The following DLL3 variants were observed in gnomAD, a reference collection of about 807,000 sequenced individuals.
DLL3 encodes the protein delta like canonical Notch ligand 3, also known as delta-like protein 3.
DLL3 carries 49 observed loss-of-function variants against 55.0 expected under a neutral mutation model. That is an observed-to-expected ratio of 0.89 (90% CI 0.71 to 1.13). DLL3 has a LOEUF of 1.13. DLL3 is among the 50% of genes most tolerant of loss of function. The pLI is 0.00. For missense variants in DLL3, 962 were observed against 875.5 expected (o/e 1.10, Z -1.25); for synonymous variants, 421 against 385.2 (o/e 1.09, Z -1.09).
intron 3 of DLL3, among the ~76,000 whole-genome samples, chr19:39,501,693 G>T (rs2079610255): frequency 6.6e-6 from 1 of 152,140 alleles, no homozygotes; most frequent in Non-Finnish European, 1.5e-5. Context: ...CACTCTCCCA[G>T]TATCCCAAGG....
chr19:39,507,184 C>A lies in DLL3; in HGVS notation c.1239C>A (p.His413Gln). 1 of 1,332,412 alleles carries A rather than the reference C, an allele frequency of 7.5e-7. No homozygotes were observed. Among genetic ancestry groups the A allele is most frequent in the Non-Finnish European group, 9.5e-7 (1 of 1,051,530 alleles). 82.5% of individuals were successfully genotyped at this position (1,332,412 alleles called of 1,614,324 possible). The change falls in exon 7 of 9, where the codon CAC becomes CAA. Residue 413 changes from histidine (H) to glutamine (Q), a missense_variant. His to Gln is a conservative substitution (Grantham distance 24, BLOSUM62 0). Coordinates refer to ENST00000356433, the MANE Select transcript of DLL3 (RefSeq NM_203486.3). Reference sequence around the variant, plus strand: ...CGTGTGTGGAGGGCGGCGGCGCGCACCGCTGCTCCTGCGCGCTGGGCTTCG... The same window carrying A: ...CGTGTGTGGAGGGCGGCGGCGCGCAACGCTGCTCCTGCGCGCTGGGCTTCG... ...GGTCVEGGGA[H>Q]RCSCALGFGG...
intron 3 of DLL3, 63 bp downstream of exon 3, chr19:39,500,735 G>GA (rs1345197234): frequency 1.4e-6 from 2 of 1,448,664 alleles, no homozygotes; most frequent in African/African-American, 2.8e-5. Flanking sequence ...CGGGGTTGGT[G>GA]GTGTTATCTA....
chr19:39,502,654 G>C (rs1433142070), intron 3 of DLL3, among the ~76,000 whole-genome samples, 161 bp from the exon 4 acceptor site: 1 of 152,172 alleles, frequency 6.6e-6, no homozygotes, highest in Non-Finnish European at 1.5e-5. Context: ...CTAAAGTAGA[G>C]GGTGACTGCC....
Position 39,500,600 on chromosome 19 carries a change from C to T in DLL3, c.352-15C>T, listed in dbSNP as rs201902809. Reference sequence around the variant, plus strand: ...GTCTTTCATCTTTCATCTCCCCCTTCCTTCACCCAACCAGGGCACCTTCTC... The same window carrying T: ...GTCTTTCATCTTTCATCTCCCCCTTTCTTCACCCAACCAGGGCACCTTCTC... On this transcript the variant is annotated splice_polypyrimidine_tract_variant and intron_variant, in intron 2 of 8. Transcript: ENST00000356433. 3,162 of 1,612,384 alleles carry T rather than the reference C, an allele frequency of 2.0e-3. 5 individuals are homozygous for T. Among genetic ancestry groups the T allele is most frequent in the Non-Finnish European group, 2.5e-3 (2,915 of 1,178,550 alleles).
chr19:39,508,310 C>A lies in DLL3; in HGVS notation c.*53C>A. On this transcript the variant is annotated 3_prime_UTR_variant, in exon 9 of 9. Coordinates refer to ENST00000356433, the MANE Select transcript of DLL3 (RefSeq NM_203486.3). ...CAGAGCGTGGATTTTTGTATTTGCT[C>A]GGTGGTGCCCAGTCTCTGCCCCAGA... 2 of 1,603,514 alleles carry A rather than the reference C, an allele frequency of 1.2e-6. No individual in the cohort carries two copies. Among genetic ancestry groups the A allele is most frequent in the South Asian group, 2.2e-5 (2 of 90,874 alleles).
chr19:39,502,671 C>A, intron 3 of DLL3, 144 bp from the exon 4 acceptor site: 1 of 1,056,162 alleles, frequency 9.5e-7, no homozygotes, highest in Non-Finnish European at 1.2e-6. Flanking sequence ...TGCCATTCTA[C>A]TCGCGAGGTC....
intron 5 of DLL3, 111 bp downstream of exon 5, chr19:39,504,399 C>G: frequency 8.0e-7 from 1 of 1,247,542 alleles, no homozygotes; most frequent in South Asian, 1.3e-5. Flanking sequence ...CTGGGAATAA[C>G]TATCAGGGAG....
In DLL3 at chr19:39,507,981, C is replaced by A. The variant is rs935373777; in HGVS notation, c.1758+67C>A. On this transcript the variant is annotated intron_variant, in intron 8 of 8. Transcript: ENST00000356433. ...TGGGCAGAGGCAGCACCTGCTTTTT[C>A]CCTACCCTTCCTCGATTCTGTCCGT... The A allele has an allele frequency of 9.3e-6, 15 of 1,613,830 alleles. No individual in the cohort carries two copies. The highest frequency in any genetic ancestry group is 1.3e-5 in the Non-Finnish European group (15 of 1,179,896).
At chr19:39,506,146 A>G (rs186565170) in intron 6 of DLL3, among the ~76,000 whole-genome samples, 2,191 of 127,162 alleles carry the variant, frequency 0.017, 42 homozygotes, top group African/African-American at 0.06. Flanking sequence ...CGGGAGGCGG[A>G]GGTTGCAGTG....
At position 39,502,943 on chromosome 19, in the gene DLL3, C is replaced by T. The variant is rs1045157695; in HGVS notation, c.538C>T (p.Pro180Ser). The change falls in exon 4 of 9, where the codon CCG becomes TCG. Residue 180 changes from proline to serine, a missense_variant. By Grantham distance (74) the Pro-to-Ser change is moderately conservative (BLOSUM62 -1). Transcript: ENST00000356433. Reference protein sequence around the residue: ...LRFSYRARCEPPAVGTACTRL... With the variant: ...LRFSYRARCESPAVGTACTRL... ...CTTCTCGTACCGCGCGCGCTGCGAG[C>T]CGCCTGCCGTCGGGACCGCGTGCAC... 6.9e-7 allele frequency: 1 copy of T among 1,442,276 alleles called. No individual in the cohort carries two copies. The highest frequency in any genetic ancestry group is 1.5e-5 in the African/African-American group (1 of 67,380). The allele number at this position is 1,442,276 out of a possible 1,614,324, so 89.3% of individuals were successfully genotyped here.
intron 6 of DLL3, among the ~76,000 whole-genome samples, chr19:39,506,289 C>G (rs2079640626): frequency 7.1e-6 from 1 of 141,076 alleles, no homozygotes; most frequent in Non-Finnish European, 1.5e-5. Flanking sequence ...ATTGCTTGAA[C>G]TCGGGAGGCG....
chr19:39,507,479 C>A lies in DLL3; in HGVS notation c.1534C>A (p.Leu512Met), dbSNP rs1478526601. ...AAGVAGAALL[L>M]VHVRRRGHSQ... ...GGGCGTGGCCGGCGCTGCGCTCTTG[C>A]TGGTCCACGTGCGCCGCCGTGGCCA... Residue 512 changes from leucine to methionine, a missense_variant, in exon 7 of 9, where the codon CTG (leucine) becomes ATG (methionine). Coordinates refer to ENST00000356433, the MANE Select transcript of DLL3 (RefSeq NM_203486.3). 1.3e-6 allele frequency: 2 copies of A among 1,594,706 alleles called. No individual in the cohort carries two copies. The highest frequency in any genetic ancestry group is 1.7e-6 in the Non-Finnish European group (2 of 1,171,870).
Position 39,499,396 on chromosome 19 carries a change from G to C in DLL3, c.274G>C (p.Glu92Gln), listed in dbSNP as rs776428281. 1.3e-6 allele frequency: 2 copies of C among 1,579,334 alleles called. No individual in the cohort carries two copies. The highest frequency in any genetic ancestry group is 4.6e-5 in the East Asian group (2 of 43,560). Residue 92 changes from glutamate to glutamine, a missense_variant, in exon 2 of 9, where the codon GAG becomes CAG. Coordinates refer to ENST00000356433, the MANE Select transcript of DLL3 (RefSeq NM_203486.3). ...ALSARGPVYT[E>Q]QPGAPAPDLP... ...GAGTGCGCGCGGACCGGTCTACACC[G>C]AGCAGCCCGGAGCGCCCGCGCCTGA...
intron 2 of DLL3, 57 bp downstream of exon 2, chr19:39,499,530 C>A: frequency 7.8e-6 from 12 of 1,543,354 alleles, no homozygotes; most frequent in Non-Finnish European, 1.0e-5. Flanking sequence ...GCCAGCGAAA[C>A]CTCCACCTCC....
In DLL3 at chr19:39,502,968, C is replaced by G; in HGVS notation, c.563C>G (p.Thr188Arg). 1 of 1,463,808 alleles carries G rather than the reference C, an allele frequency of 6.8e-7. No individual in the cohort carries two copies. The highest frequency in any genetic ancestry group is 3.0e-5 in the East Asian group (1 of 33,830). 90.7% of individuals were successfully genotyped at this position (1,463,808 alleles called of 1,614,324 possible). ...CEPPAVGTAC[T>R]RLCRPRSAPS... ...CCGCCTGCCGTCGGGACCGCGTGCA[C>G]GCGCCTCTGCCGTCCGCGCAGCGCC... Residue 188 changes from threonine (T) to arginine (R), a missense_variant, in exon 4 of 9, where the codon ACG becomes AGG. Thr to Arg is a moderately conservative substitution (Grantham distance 71, BLOSUM62 -1). Coordinates refer to ENST00000356433, the MANE Select transcript of DLL3 (RefSeq NM_203486.3).
chr19:39,503,407 T>C (rs1024774865), intron 4 of DLL3, among the ~76,000 whole-genome samples: 2 of 152,096 alleles, frequency 1.3e-5, no homozygotes, highest in Non-Finnish European at 2.9e-5. Flanking sequence ...CACCCTCCAG[T>C]TCCTTCCCTA....
Position 39,505,439 on chromosome 19 carries a change from C to T in DLL3, c.1081C>T (p.Pro361Ser), listed in dbSNP as rs1568450395. ...GAGGGTGGACCGGTGCAGCCTGCAG[C>T]CATGCCGCAATGGTGAGGCCTGGAG... Reference protein sequence around the residue: ...EKRVDRCSLQPCRNGGLCLDL... With the variant: ...EKRVDRCSLQSCRNGGLCLDL... Residue 361 changes from proline to serine, a missense_variant, in exon 6 of 9, where the codon CCA becomes TCA. Physicochemically the swap from Pro to Ser is moderately conservative, Grantham distance 74. Coordinates refer to ENST00000356433, the MANE Select transcript of DLL3 (RefSeq NM_203486.3). 4 of 1,613,950 alleles carry T rather than the reference C, an allele frequency of 2.5e-6. No individual in the cohort carries two copies. The highest frequency in any genetic ancestry group is 3.4e-6 in the Non-Finnish European group (4 of 1,180,008).
In DLL3 at chr19:39,499,305, A is replaced by G; in HGVS notation, c.183A>G (p.Arg61=). 1 of 1,544,228 alleles carries G rather than the reference A, an allele frequency of 6.5e-7. No homozygotes were observed. The highest frequency in any genetic ancestry group is 8.7e-7 in the Non-Finnish European group (1 of 1,149,244). ...GGCTCCCCTGCCGCCTCTTCTTCAG[A>G]GTCTGCCTGAAGCCTGGGCTCTCAG... ...SARLPCRLFF[R]VCLKPGLSEE... is the part of the protein sequence containing the mutation. The change falls in exon 2 of 9, where the codon AGA becomes AGG. Residue 61 remains arginine (R), a synonymous_variant. Coordinates refer to ENST00000356433, the MANE Select transcript of DLL3 (RefSeq NM_203486.3).
chr19:39,500,278 AC>A (rs1448395770), intron 2 of DLL3, among the ~76,000 whole-genome samples: 5 of 151,578 alleles, frequency 3.3e-5, no homozygotes, highest in African/African-American at 9.7e-5. Context: ...AAAAAAAAAA[AC>A]ATAGCAGGGC....
Sources: gnomAD v4.1 joint callset for allele counts (sites outside exome capture counted in the v4.1 genomes callset) on GRCh38, gnomAD v4.1.1 for gene constraint, MANE v1.5 for transcripts, NCBI Gene and HGNC (gene_info 2026-07-23, HGNC 2026-07-21) for gene names.